KICS2: variants seen among roughly 807,000 people sequenced by gnomAD.
The protein encoded by KICS2 is KICSTOR subunit 2.
In KICS2, 13 loss-of-function variants were observed where a neutral mutation model predicts 31.4. The observed-to-expected ratio is 0.41, with a 90% CI of 0.27 to 0.66. The LOEUF is 0.66. KICS2 is among the 30% of genes least tolerant of loss of function. The pLI is 0.28. For synonymous variants in KICS2, 209 were observed against 214.8 expected (o/e 0.97, Z 0.24); for missense variants, 455 against 545.4 (o/e 0.83, Z 1.65).
At chr12:64,209,253 A>G (rs1483843335) in intron 2 of KICS2, among the ~76,000 whole-genome samples, 1 of 152,104 alleles carries the variant, frequency 6.6e-6, no homozygotes, top group African/African-American at 2.4e-5. Context: ...ATCACAAATG[A>G]CTGTGATTCC....
At chr12:64,187,314 C>A, downstream of KICS2, 1 of 351,484 alleles carries the variant, frequency 2.8e-6, no homozygotes. Context: ...CTGAGTGCTA[C>A]CATCACTTAG....
At position 64,193,542 on chromosome 12, in the gene KICS2, A is replaced by C. The variant is rs369774460; in HGVS notation, c.*300T>G. On this transcript the variant is annotated 3_prime_UTR_variant, in exon 3 of 3. Transcript: ENST00000398055. ...CAACAGAAAAACATATGGGAAAAAA[A>C]AAAGCCCAATAAATATTCAATCTAC... 9.0e-7 allele frequency: 1 copy of C among 1,115,564 alleles called. No homozygotes were observed. The allele number at this position is 1,115,564 out of a possible 1,614,324, so 69.1% of individuals were successfully genotyped here.
At chr12:64,220,079 G>A (rs571272025) in intron 1 of KICS2, among the ~76,000 whole-genome samples, 21 of 152,284 alleles carry the variant, frequency 1.4e-4, no homozygotes, top group African/African-American at 4.6e-4. Context: ...TTTACTGTAC[G>A]TGTAAATAAG....
At chr12:64,213,173 CTATG>C (rs937522475) in intron 2 of KICS2, among the ~76,000 whole-genome samples, 1 of 151,640 alleles carries the variant, frequency 6.6e-6, no homozygotes, top group Non-Finnish European at 1.5e-5. Flanking sequence ...CTCAGAAAGA[CTATG>C]TATGTATGTG....
chr12:64,204,275 T>C (rs192342217), intron 2 of KICS2, among the ~76,000 whole-genome samples: 244 of 152,210 alleles, frequency 1.6e-3, no homozygotes, highest in African/African-American at 4.9e-3. Context: ...AATACCTCAG[T>C]GATGGGTTAA....
chr12:64,196,612 C>G (rs1254858829), intron 2 of KICS2, among the ~76,000 whole-genome samples: 1 of 151,412 alleles, frequency 6.6e-6, no homozygotes, highest in Admixed American at 6.6e-5. Flanking sequence ...ATGACTTTGA[C>G]GAGCTGAGAG....
Position 64,194,042 on chromosome 12 carries a change from T to C in KICS2, c.1138A>G (p.Lys380Glu). ...TTGTCATCATAGAAGTGGACCACTTTCTCCAAGCTGTTCAGATCAGATGTG... is the reference window on the plus strand; with the variant it reads ...TTGTCATCATAGAAGTGGACCACTTCCTCCAAGCTGTTCAGATCAGATGTG... ...DRTSDLNSLE[K>E]VVHFYDDKVQ... The change falls in exon 3 of 3, where the codon AAA becomes GAA. Residue 380 changes from lysine (K) to glutamate (E), a missense_variant. Lys to Glu is a moderately conservative substitution (Grantham distance 56, BLOSUM62 1). Transcript: ENST00000398055. 1 of 1,614,136 alleles carries C rather than the reference T, an allele frequency of 6.2e-7. No individual in the cohort carries two copies. Among genetic ancestry groups the C allele is most frequent in the South Asian group, 1.1e-5 (1 of 91,086 alleles).
At chr12:64,204,810 A>G (rs1254223420) in intron 2 of KICS2, 1 of 152,174 alleles carries the variant, frequency 6.6e-6, no homozygotes, top group Non-Finnish European at 1.5e-5. Flanking sequence ...CTTCAGCAGC[A>G]TATATACTTA....
At chr12:64,196,915 A>G (rs1290940044) in intron 2 of KICS2, among the ~76,000 whole-genome samples, 1 of 149,324 alleles carries the variant, frequency 6.7e-6, no homozygotes, top group African/African-American at 2.5e-5. Flanking sequence ...GAATAAAAAG[A>G]AATCAGCAAA....
intron 1 of KICS2, among the ~76,000 whole-genome samples, 183 bp from the exon 2 acceptor site, chr12:64,216,146 T>TATCATAAATAGTTTATGATA (rs2037627331): frequency 6.9e-6 from 1 of 144,984 alleles, no homozygotes; most frequent in South Asian, 2.1e-4. Context: ...ACTTTATGAT[T>TATCATAAATAGTTTATGATA]ATCATAAATA....
Position 64,196,283 on chromosome 12 carries a change from TTCCTGAC to T in KICS2, c.522-1632_522-1626del, listed in dbSNP as rs1371996344. On this transcript the variant is annotated intron_variant, in intron 2 of 2. Transcript: ENST00000398055. ...CCGGCAGACTGCCTCCTCAAGTGGG[TTCCTGAC>T]CCCTGACCCCCGAGCAGCCTAACTG... Among the ~76,000 whole-genome samples the T allele has an allele frequency of 4.6e-4, 54 of 116,428 alleles. 1 individual carries two copies. The highest frequency in any genetic ancestry group is 4.2e-3 in the South Asian group (16 of 3,796). 76.4% of individuals were successfully genotyped at this position (116,428 alleles called of 152,430 possible).
chr12:64,188,558 GAAAAGAAGGAAAGAGGGAGGAAGAGAGA>G, downstream of KICS2, among the ~76,000 whole-genome samples: 1 of 151,592 alleles, frequency 6.6e-6, no homozygotes, highest in East Asian at 2.0e-4. Flanking sequence ...AAAGAGAGAG[GAAAAGAAGGAAAGAGGGAGGAAGAGAGA>G]TAGAGGGAGA....
chr12:64,196,043 C>A (rs1415887505), intron 2 of KICS2, among the ~76,000 whole-genome samples: 7 of 152,276 alleles, frequency 4.6e-5, no homozygotes, highest in Non-Finnish European at 1.0e-4. Context: ...CGCCATTGCC[C>A]AGGCTTGATT....
At chr12:64,221,022 T>C (rs972159653) in intron 1 of KICS2, among the ~76,000 whole-genome samples, 5 of 150,410 alleles carry the variant, frequency 3.3e-5, no homozygotes, top group African/African-American at 9.8e-5. Context: ...CAGGAAGCCC[T>C]GTCTCTTGAG....
intron 2 of KICS2, among the ~76,000 whole-genome samples, chr12:64,194,910 C>A (rs1343465199): frequency 1.3e-5 from 2 of 151,324 alleles, no homozygotes; most frequent in East Asian, 3.9e-4. Flanking sequence ...CTTTCAACAA[C>A]AGGAATACCA....
chr12:64,192,576 A>T lies in KICS2; in HGVS notation c.*1266T>A. On this transcript the variant is annotated 3_prime_UTR_variant, in exon 3 of 3. Coordinates refer to ENST00000398055, the MANE Select transcript of KICS2 (RefSeq NM_152440.5). ...GCTCCACACAATCATGGGAAAAAAGACGAATATGACCATTACATTTCACAC... is the reference window on the plus strand; with the variant it reads ...GCTCCACACAATCATGGGAAAAAAGTCGAATATGACCATTACATTTCACAC... The T allele has an allele frequency of 1.0e-6, 1 of 983,016 alleles. No homozygotes were observed. The highest frequency in any genetic ancestry group is 1.2e-6 in the Non-Finnish European group (1 of 827,738). The allele number at this position is 983,016 out of a possible 1,614,324, so 60.9% of individuals were successfully genotyped here. A position where few individuals can be genotyped will look rare whatever the true frequency, so the allele number is the denominator to read the frequency against.
chr12:64,192,487 A>T lies in KICS2; in HGVS notation c.*1355T>A. 1.9e-6 allele frequency: 1 copy of T among 537,788 alleles called. No homozygotes were observed. Among genetic ancestry groups the T allele is most frequent in the Non-Finnish European group, 2.4e-6 (1 of 421,178 alleles). 33.3% of individuals were successfully genotyped at this position (537,788 alleles called of 1,614,324 possible). A position where few individuals can be genotyped will look rare whatever the true frequency, so the allele number is the denominator to read the frequency against. ...GGGCAGGCTTCCTACATGGACTCTG[A>T]GGGGCTCTCTGGTCTCTGCTGATGT... On this transcript the variant is annotated 3_prime_UTR_variant, in exon 3 of 3. Transcript: ENST00000398055.
intron 2 of KICS2, among the ~76,000 whole-genome samples, chr12:64,212,643 C>T (rs2037591822): frequency 6.6e-6 from 1 of 152,154 alleles, no homozygotes. Flanking sequence ...TATGAACATT[C>T]ATGTCAATGG....
chr12:64,199,525 C>T (rs2037469744), intron 2 of KICS2, among the ~76,000 whole-genome samples: 1 of 127,722 alleles, frequency 7.8e-6, no homozygotes, highest in Non-Finnish European at 1.7e-5. Context: ...TGGAAGCATT[C>T]CCTTTGAAAA....
Sources: gnomAD v4.1 joint callset for allele counts (sites outside exome capture counted in the v4.1 genomes callset) on GRCh38, gnomAD v4.1.1 for gene constraint, MANE v1.5 for transcripts, NCBI Gene and HGNC (gene_info 2026-07-23, HGNC 2026-07-21) for gene names.